Variants in DLG2 observed in about 807,000 individuals in gnomAD.
The protein encoded by DLG2 is discs large MAGUK scaffold protein 2, also known as disks large homolog 2.
Under a neutral mutation model 132.5 loss-of-function variants are expected in DLG2, and 45 were observed. That is an observed-to-expected ratio of 0.34 (90% CI 0.27 to 0.44). The LOEUF is 0.44. Among genes scored for constraint, DLG2 ranks in the 20% least tolerant of loss-of-function variants. The probability of loss-of-function intolerance (pLI) is 1.00; values close to 1 mark genes in which losing one functional copy is unlikely to be tolerated. For synonymous variants in DLG2, 424 were observed against 419.6 expected (o/e 1.01, Z -0.13); for missense variants, 1,045 against 1,196.9 (o/e 0.87, Z 1.87).
intron 7 of DLG2, among the ~76,000 whole-genome samples, chr11:84,401,733 T>C (rs2098830105): frequency 6.6e-6 from 1 of 152,144 alleles, no homozygotes; most frequent in Non-Finnish European, 1.5e-5. Flanking sequence ...AGTCATCTTT[T>C]TAGCAGCGAT....
chr11:84,864,888 A>T (rs2084310151), intron 6 of DLG2, among the ~76,000 whole-genome samples: 1 of 152,174 alleles, frequency 6.6e-6, no homozygotes, highest in South Asian at 2.1e-4. Context: ...TAGGTAGAAG[A>T]GATGGCTTAA....
intron 3 of DLG2, among the ~76,000 whole-genome samples, chr11:85,364,805 G>A (rs552292078): frequency 6.6e-6 from 1 of 152,030 alleles, no homozygotes; most frequent in East Asian, 1.9e-4. Flanking sequence ...TTTCAAAATA[G>A]CTTTAAGGAA....
intron 7 of DLG2, among the ~76,000 whole-genome samples, chr11:84,311,687 G>A (rs1163910962): frequency 6.6e-6 from 1 of 152,170 alleles, no homozygotes; most frequent in Non-Finnish European, 1.5e-5. Flanking sequence ...AACACATAAA[G>A]AGTGGCAGAG....
chr11:84,278,211 T>A (rs1197645748), intron 7 of DLG2, among the ~76,000 whole-genome samples: 1 of 151,890 alleles, frequency 6.6e-6, no homozygotes, highest in African/African-American at 2.4e-5. Context: ...TAAACAACTT[T>A]TTCCCCCCAA....
chr11:85,606,874 G>A (rs1338346638), intron 2 of DLG2, among the ~76,000 whole-genome samples: 1 of 152,096 alleles, frequency 6.6e-6, no homozygotes, highest in Non-Finnish European at 1.5e-5. Context: ...GCAAGACCAT[G>A]AACCCACCAG....
intron 3 of DLG2, among the ~76,000 whole-genome samples, chr11:85,498,545 T>A (rs1332433938): frequency 1.3e-5 from 2 of 152,080 alleles, no homozygotes; most frequent in Non-Finnish European, 2.9e-5. Context: ...AACAAGGATA[T>A]CCAGGACTTG....
intron 7 of DLG2, among the ~76,000 whole-genome samples, chr11:84,327,129 T>C (rs2154399464): frequency 6.8e-6 from 1 of 147,650 alleles, no homozygotes; most frequent in South Asian, 2.2e-4. Flanking sequence ...TTTTTTTTTT[T>C]TTTTTGAGAT....
intron 3 of DLG2, among the ~76,000 whole-genome samples, chr11:85,436,536 G>A (rs1477752005): frequency 1.3e-5 from 2 of 152,156 alleles, no homozygotes; most frequent in Non-Finnish European, 2.9e-5. Context: ...AGAAATCAAT[G>A]CAGCCAACAA....
At chr11:84,303,929 T>A (rs1014061246) in intron 7 of DLG2, among the ~76,000 whole-genome samples, 2 of 152,178 alleles carry the variant, frequency 1.3e-5, no homozygotes, top group Non-Finnish European at 2.9e-5. Flanking sequence ...TGTATTAATA[T>A]ACATTCAGAA....
chr11:84,844,133 G>GTATATATATATA (rs1367735607), intron 6 of DLG2, among the ~76,000 whole-genome samples: 1 of 26,022 alleles, frequency 3.8e-5, no homozygotes, highest in East Asian at 6.6e-4. Flanking sequence ...GTGTGTGTGT[G>GTATATATATATA]TGTATATATA....
intron 6 of DLG2, among the ~76,000 whole-genome samples, chr11:84,658,058 G>A (rs1035171621): frequency 2.0e-5 from 3 of 152,044 alleles, no homozygotes; most frequent in Non-Finnish European, 4.4e-5. Flanking sequence ...TGCTGTGTAG[G>A]AACAATTCCA....
Position 83,677,809 on chromosome 11 carries a change from A to G in DLG2, c.1826-44484T>C, listed in dbSNP as rs191376300. ...GTCTCCAATGTGACATAAGATGAAA[A>G]GGAACTATTGGGAGAATGATGCACT... On this transcript the variant is annotated intron_variant, in intron 18 of 27. Coordinates refer to ENST00000376104, the MANE Select transcript of DLG2 (RefSeq NM_001142699.3). Among the ~76,000 whole-genome samples the G allele has an allele frequency of 1.0e-3, 154 of 152,272 alleles. 1 individual carries two copies. Among genetic ancestry groups the G allele is most frequent in the South Asian group, 8.9e-3 (43 of 4,824 alleles).
chr11:83,970,835 A>G (rs2091195263), intron 12 of DLG2, among the ~76,000 whole-genome samples: 1 of 152,190 alleles, frequency 6.6e-6, no homozygotes, highest in African/African-American at 2.4e-5. Flanking sequence ...TCTTATAAAC[A>G]TCTGTGAACT....
At chr11:83,785,083 CTT>C (rs2094992686) in intron 18 of DLG2, among the ~76,000 whole-genome samples, 1 of 151,314 alleles carries the variant, frequency 6.6e-6, no homozygotes, top group African/African-American at 2.4e-5. Flanking sequence ...GAGATGGAGT[CTT>C]GCTCTGTCAC....
rs147439868 is a variant in DLG2, at chr11:83,502,591, C to A, written c.2194-18363G>T. ...GCTCATTTGCAGGGAGCATGTCTTG[C>A]CTCAATTTCATTTCTTCACTCCCAG... On this transcript the variant is annotated intron_variant, in intron 21 of 27. Transcript: ENST00000376104. Among the ~76,000 whole-genome samples the A allele has an allele frequency of 4.9e-3, 752 of 152,120 alleles. 11 individuals carry two copies. The highest frequency in any genetic ancestry group is 0.017 in the African/African-American group (710 of 41,502).
At chr11:85,513,288 G>A (rs940607621) in intron 3 of DLG2, among the ~76,000 whole-genome samples, 7 of 151,798 alleles carry the variant, frequency 4.6e-5, no homozygotes, top group African/African-American at 1.7e-4. Context: ...AAACCTCAAC[G>A]TCATACAATA....
intron 3 of DLG2, among the ~76,000 whole-genome samples, chr11:85,351,557 T>C (rs575987105): frequency 3.9e-5 from 6 of 152,218 alleles, no homozygotes; most frequent in Non-Finnish European, 8.8e-5. Context: ...TTGTCATAAA[T>C]AGCTCTTATT....
At chr11:84,080,744 A>C (rs11827878) in intron 10 of DLG2, among the ~76,000 whole-genome samples, 4,181 of 152,190 alleles carry the variant, frequency 0.027, 173 homozygotes, top group African/African-American at 0.094. Flanking sequence ...AAAATCCCAG[A>C]CCTTTGGGAA....
chr11:84,221,580 C>T (rs1310185457), intron 8 of DLG2, among the ~76,000 whole-genome samples: 1 of 152,078 alleles, frequency 6.6e-6, no homozygotes, highest in Non-Finnish European at 1.5e-5. Flanking sequence ...CAAAAGTTTC[C>T]TTCTAGCTGG....
Sources: gnomAD v4.1 joint callset for allele counts (sites outside exome capture counted in the v4.1 genomes callset) on GRCh38, gnomAD v4.1.1 for gene constraint, MANE v1.5 for transcripts, NCBI Gene and HGNC (gene_info 2026-07-23, HGNC 2026-07-21) for gene names.